DENND1A: variants seen among roughly 807,000 people sequenced by gnomAD.
DENND1A encodes the protein DENN domain-containing protein 1A.
A neutral mutation model predicts 113.7 loss-of-function variants in DENND1A; 51 were observed. That is an observed-to-expected ratio of 0.45 (90% CI 0.36 to 0.57). The LOEUF is 0.57. Among genes scored for constraint, DENND1A ranks in the 20% least tolerant of loss-of-function variants. The probability of loss-of-function intolerance (pLI) is 0.00; values close to 1 mark genes in which losing one functional copy is unlikely to be tolerated. For synonymous variants in DENND1A, 565 were observed against 570.8 expected (o/e 0.99, Z 0.14); for missense variants, 1,258 against 1,395.9 (o/e 0.90, Z 1.57).
chr9:123,915,299 G>A (rs1007022032), intron 1 of DENND1A, among the ~76,000 whole-genome samples: 1 of 152,026 alleles, frequency 6.6e-6, no homozygotes, highest in African/African-American at 2.4e-5. Flanking sequence ...CACCCTACCC[G>A]ATCTAGTGGA....
chr9:123,432,893 T>A (rs1489612701), intron 19 of DENND1A, among the ~76,000 whole-genome samples: 1 of 152,202 alleles, frequency 6.6e-6, no homozygotes, highest in East Asian at 1.9e-4. Flanking sequence ...TCCTCTGGGC[T>A]TGGGTTTTGC....
At chr9:123,385,600 G>A (rs965459347) in intron 22 of DENND1A, among the ~76,000 whole-genome samples, 2 of 152,194 alleles carry the variant, frequency 1.3e-5, no homozygotes, top group Admixed American at 6.5e-5. Context: ...AAGGCACCAG[G>A]GTGGGGGACA....
At chr9:123,846,032 C>T (rs747991524) in intron 2 of DENND1A, among the ~76,000 whole-genome samples, 6 of 152,208 alleles carry the variant, frequency 3.9e-5, no homozygotes, top group East Asian at 1.9e-4. Context: ...ATTTTTTAAA[C>T]GACCCAGTCA....
intron 21 of DENND1A, among the ~76,000 whole-genome samples, chr9:123,396,660 G>A (rs1406199180): frequency 1.3e-5 from 2 of 152,154 alleles, no homozygotes; most frequent in Admixed American, 1.3e-4. Flanking sequence ...TTGGTGCTGG[G>A]GTCACGCAGT....
At position 123,380,327 on chromosome 9, in the gene DENND1A, C is replaced by T. The variant is rs2042213851; in HGVS notation, c.*1105G>A. The T allele has an allele frequency of 6.6e-6, 1 of 152,576 alleles. No individual in the cohort carries two copies. Among genetic ancestry groups the T allele is most frequent in the African/African-American group, 2.4e-5 (1 of 41,452 alleles). The allele number at this position is 152,576 out of a possible 1,614,324, so 9.5% of individuals were successfully genotyped here. On this transcript the variant is annotated 3_prime_UTR_variant, in exon 24 of 24. Coordinates refer to ENST00000394215, the MANE Select transcript of DENND1A (RefSeq NM_001352964.2). ...GAAAGATAATAAACATTCAATCTAA[C>T]TTTGGTGACGTTGGCCTCAGGAATT...
chr9:123,924,495 A>C (rs2134200430), intron 1 of DENND1A, among the ~76,000 whole-genome samples: 1 of 152,204 alleles, frequency 6.6e-6, no homozygotes, highest in South Asian at 2.1e-4. Context: ...AACTAAAAAT[A>C]CAAAAACTAG....
chr9:123,614,237 G>A (rs1262510881), intron 10 of DENND1A, among the ~76,000 whole-genome samples: 1 of 152,216 alleles, frequency 6.6e-6, no homozygotes, highest in Non-Finnish European at 1.5e-5. Context: ...GACAGCCCAA[G>A]CTCTGCACAT....
chr9:123,682,876 C>G (rs1231548800), intron 5 of DENND1A, among the ~76,000 whole-genome samples: 1 of 152,168 alleles, frequency 6.6e-6, no homozygotes, highest in Non-Finnish European at 1.5e-5. Flanking sequence ...GTCAGAGGCT[C>G]CTCCAGAATT....
chr9:123,861,749 T>A (rs1316301065), intron 2 of DENND1A, among the ~76,000 whole-genome samples: 5 of 152,104 alleles, frequency 3.3e-5, no homozygotes, highest in Non-Finnish European at 5.9e-5. Flanking sequence ...CTTTAAAAAA[T>A]ATATATATAA....
intron 13 of DENND1A, among the ~76,000 whole-genome samples, chr9:123,533,026 T>G (rs2055454892): frequency 6.6e-6 from 1 of 152,210 alleles, no homozygotes; most frequent in African/African-American, 2.4e-5. Flanking sequence ...ATAGGACATT[T>G]TATGTAGGAA....
intron 8 of DENND1A, among the ~76,000 whole-genome samples, chr9:123,662,348 G>A (rs2063283190): frequency 6.6e-6 from 1 of 152,162 alleles, no homozygotes; most frequent in Non-Finnish European, 1.5e-5. Flanking sequence ...GATCAATTGA[G>A]GTCAGGAGTT....
At chr9:123,471,637 TG>T (rs2049436988) in intron 13 of DENND1A, among the ~76,000 whole-genome samples, 2 of 152,194 alleles carry the variant, frequency 1.3e-5, no homozygotes, top group African/African-American at 4.8e-5. Context: ...GGCTGCACGT[TG>T]ACTTCTCGTA....
At chr9:123,903,502 T>A (rs991695486) in intron 1 of DENND1A, among the ~76,000 whole-genome samples, 3 of 151,892 alleles carry the variant, frequency 2.0e-5, no homozygotes, top group African/African-American at 7.3e-5. Flanking sequence ...TGGGCGCAGG[T>A]CAGTGGGTGC....
In DENND1A at chr9:123,440,485, C is replaced by T; in HGVS notation, c.1363G>A (p.Ala455Thr). 2 of 1,572,006 alleles carry T rather than the reference C, an allele frequency of 1.3e-6. No individual in the cohort carries two copies. The highest frequency in any genetic ancestry group is 1.7e-6 in the Non-Finnish European group (2 of 1,167,124). The change falls in exon 19 of 24, where the codon GCC becomes ACC. Residue 455 changes from alanine to threonine, a missense_variant. Ala to Thr is a moderately conservative substitution (Grantham distance 58). Coordinates refer to ENST00000394215, the MANE Select transcript of DENND1A (RefSeq NM_001352964.2). ...GGGGTGGGGGCGCAGCCATTCTCGG[C>T]AATGTCCTGTAGGGAGAAGGATAGT... ...VKNRLKQKDI[A>T]ENGCAPTPEE...
At chr9:123,626,793 A>G (rs1249900233) in intron 10 of DENND1A, among the ~76,000 whole-genome samples, 1 of 152,190 alleles carries the variant, frequency 6.6e-6, no homozygotes, top group Non-Finnish European at 1.5e-5. Context: ...CATGTGCAGG[A>G]GAGGCGGGAG....
At chr9:123,601,659 T>C (rs925977248) in intron 11 of DENND1A, among the ~76,000 whole-genome samples, 1 of 152,264 alleles carries the variant, frequency 6.6e-6, no homozygotes, top group Non-Finnish European at 1.5e-5. Flanking sequence ...CCTCTTATTT[T>C]TATACTACTA....
At chr9:123,499,215 G>T (rs1291318137) in intron 13 of DENND1A, among the ~76,000 whole-genome samples, 1 of 151,734 alleles carries the variant, frequency 6.6e-6, no homozygotes, top group Non-Finnish European at 1.5e-5. Flanking sequence ...TGTATTTTTA[G>T]TAGAGAGGGG....
chr9:123,786,375 T>C (rs17217561), intron 3 of DENND1A, among the ~76,000 whole-genome samples: 6,663 of 152,302 alleles, frequency 0.044, 182 homozygotes, highest in Non-Finnish European at 0.064. Flanking sequence ...AATGTGATCA[T>C]GGCAGCACCA....
intron 1 of DENND1A, among the ~76,000 whole-genome samples, chr9:123,923,094 G>C (rs1378177590): frequency 6.6e-6 from 1 of 152,154 alleles, no homozygotes; most frequent in East Asian, 1.9e-4. Flanking sequence ...GAAAAAGGCT[G>C]GACCTTTGCA....
Sources: allele counts gnomAD v4.1 joint callset (sites outside exome capture counted in the v4.1 genomes callset), GRCh38; gene constraint gnomAD v4.1.1; transcripts MANE v1.5; gene names NCBI Gene and HGNC (gene_info 2026-07-23, HGNC 2026-07-21).